The following RNF130 variants were observed in gnomAD, a reference collection of about 807,000 sequenced individuals.
RNF130 encodes the protein E3 ubiquitin-protein ligase RNF130.
In RNF130, 21 loss-of-function variants were observed where a neutral mutation model predicts 44.6. The observed-to-expected ratio is 0.47, with a 90% CI of 0.33 to 0.68. The LOEUF is 0.68. RNF130 is among the 30% of genes least tolerant of loss of function. RNF130 has a pLI of 0.02. For missense variants in RNF130, 479 were observed against 560.6 expected (o/e 0.85, Z 1.47); for synonymous variants, 214 against 210.4 (o/e 1.02, Z -0.15).
intron 3 of RNF130, among the ~76,000 whole-genome samples, chr5:179,984,337 G>C (rs1037599885): frequency 6.6e-6 from 1 of 152,078 alleles, no homozygotes; most frequent in African/African-American, 2.4e-5. Context: ...GTGATCAGAG[G>C]ACACATTCTT....
intron 3 of RNF130, among the ~76,000 whole-genome samples, chr5:179,995,856 C>A (rs1270992866): frequency 6.6e-6 from 1 of 152,194 alleles, no homozygotes; most frequent in Non-Finnish European, 1.5e-5. Flanking sequence ...TTCCTGTATT[C>A]CTTCTTGGAT....
At chr5:180,054,450 C>T (rs945692211) in intron 1 of RNF130, among the ~76,000 whole-genome samples, 6 of 152,314 alleles carry the variant, frequency 3.9e-5, no homozygotes, top group Middle Eastern at 3.4e-3. Context: ...CGCATCCTCC[C>T]TCTCCCTCTA....
intron 7 of RNF130, among the ~76,000 whole-genome samples, chr5:179,922,335 C>CA (rs1561658492): frequency 6.6e-6 from 1 of 151,886 alleles, no homozygotes; most frequent in Non-Finnish European, 1.5e-5. Context: ...TTTTTTGAGA[C>CA]AGAGTCTTGC....
chr5:179,957,309 A>G (rs1762232798), intron 8 of RNF130, among the ~76,000 whole-genome samples: 1 of 152,156 alleles, frequency 6.6e-6, no homozygotes, highest in East Asian at 1.9e-4. Context: ...CTACTCGGGA[A>G]GCTGAGACAG....
intron 2 of RNF130, among the ~76,000 whole-genome samples, chr5:180,037,367 C>T (rs996383832): frequency 1.3e-5 from 2 of 152,180 alleles, no homozygotes; most frequent in Admixed American, 1.3e-4. Flanking sequence ...AGCAGTTGTG[C>T]TCCACCGTAG....
intron 1 of RNF130, among the ~76,000 whole-genome samples, chr5:180,059,834 G>A (rs925276298): frequency 3.9e-5 from 6 of 152,168 alleles, no homozygotes; most frequent in East Asian, 1.9e-4. Context: ...GAGGCAGAAC[G>A]ACGGCTCCCT....
chr5:180,008,440 A>C (rs1763512471), intron 3 of RNF130, among the ~76,000 whole-genome samples: 2 of 152,168 alleles, frequency 1.3e-5, no homozygotes, highest in South Asian at 4.1e-4. Context: ...CAACAGCAGA[A>C]TATTTTTTCT....
At chr5:180,070,615 G>T (rs1765230747) in intron 1 of RNF130, among the ~76,000 whole-genome samples, 1 of 152,178 alleles carries the variant, frequency 6.6e-6, no homozygotes, top group African/African-American at 2.4e-5. Context: ...GATAATGGCA[G>T]ATATCTCCCA....
At chr5:180,054,106 G>T (rs182866909) in intron 1 of RNF130, among the ~76,000 whole-genome samples, 1 of 152,090 alleles carries the variant, frequency 6.6e-6, no homozygotes, top group African/African-American at 2.4e-5. Flanking sequence ...GAGCCCCTGC[G>T]CCCGGCCAGC....
At chr5:179,936,251 C>T (rs1006223561) in intron 7 of RNF130, among the ~76,000 whole-genome samples, 14 of 152,160 alleles carry the variant, frequency 9.2e-5, no homozygotes, top group African/African-American at 2.9e-4. Flanking sequence ...CTCTGAGCAG[C>T]TGGGACTACA....
At chr5:179,914,943 G>C (rs1302386057) in exon 8 of RNF130, 1 of 151,878 alleles carries the variant, frequency 6.6e-6, no homozygotes, top group Non-Finnish European at 1.5e-5. Context: ...GAGGTGGGAG[G>C]ATTGCTTTAG....
In RNF130 at chr5:180,048,402, G is replaced by A. The variant is rs1764618263; in HGVS notation, c.248-7755C>T. ...ATCAAAGGCTACAGGATTAACCTCC[G>A]AATCTAGGCAATTTCTGCTTGACTC... is the stretch of plus-strand genomic sequence containing the variant. On this transcript the variant is annotated intron_variant, in intron 1 of 8. Coordinates refer to ENST00000521389, the MANE Select transcript of RNF130 (RefSeq NM_018434.6). Among the ~76,000 whole-genome samples, 3 of 152,136 alleles carry A rather than the reference G, an allele frequency of 2.0e-5. No individual in the cohort carries two copies. The South Asian group carries it at 6.2e-4, about 31-fold the overall frequency.
chr5:180,020,347 G>A (rs1763843374), intron 2 of RNF130, among the ~76,000 whole-genome samples: 1 of 152,220 alleles, frequency 6.6e-6, no homozygotes, highest in South Asian at 2.1e-4. Context: ...GCGGTCTGCT[G>A]CACAAAACTG....
intron 3 of RNF130, among the ~76,000 whole-genome samples, chr5:180,010,376 T>C (rs1432557892): frequency 1.3e-5 from 2 of 152,154 alleles, no homozygotes; most frequent in Non-Finnish European, 2.9e-5. Context: ...CTTTATTTTT[T>C]TGAAACAGAG....
intron 2 of RNF130, among the ~76,000 whole-genome samples, chr5:180,033,974 G>C (rs1370643042): frequency 1.3e-5 from 2 of 152,100 alleles, no homozygotes; most frequent in Non-Finnish European, 2.9e-5. Context: ...GACATCCTTG[G>C]CTTGTTCCTG....
intron 3 of RNF130, among the ~76,000 whole-genome samples, chr5:179,985,435 C>A (rs953311925): frequency 6.6e-6 from 1 of 152,022 alleles, no homozygotes; most frequent in Non-Finnish European, 1.5e-5. Flanking sequence ...GTCCTTAGGA[C>A]CCCCTGCTCT....
At chr5:180,000,981 G>A (rs1763320862) in intron 3 of RNF130, among the ~76,000 whole-genome samples, 1 of 152,092 alleles carries the variant, frequency 6.6e-6, no homozygotes, top group South Asian at 2.1e-4. Context: ...TGTGCATCTG[G>A]TGGAACAATC....
At chr5:180,004,172 G>A (rs924110057) in intron 3 of RNF130, among the ~76,000 whole-genome samples, 10 of 152,158 alleles carry the variant, frequency 6.6e-5, no homozygotes, top group African/African-American at 9.7e-5. Context: ...GCCCCTAAAA[G>A]GAGCTCTCAC....
At chr5:180,041,474 C>G (rs1764416291) in intron 1 of RNF130, among the ~76,000 whole-genome samples, 2 of 152,194 alleles carry the variant, frequency 1.3e-5, no homozygotes, top group African/African-American at 4.8e-5. Flanking sequence ...GTAAGCGCCT[C>G]AATTTTTCAC....
Sources: allele counts gnomAD v4.1 joint callset (sites outside exome capture counted in the v4.1 genomes callset), GRCh38; gene constraint gnomAD v4.1.1; transcripts MANE v1.5; gene names NCBI Gene and HGNC (gene_info 2026-07-23, HGNC 2026-07-21).